Variants in KARS1 observed in about 807,000 individuals in gnomAD.
The protein encoded by KARS1 is lysyl-tRNA synthetase 1.
A neutral mutation model predicts 63.9 loss-of-function variants in KARS1; 50 were observed. The ratio of observed to expected loss-of-function variants is 0.78; its 90% CI spans 0.62 to 0.99. The LOEUF is 0.99. Ranked by LOEUF, KARS1 falls within the 50% of genes least tolerant of loss-of-function variation. KARS1 has a pLI of 0.00. For missense variants in KARS1, 816 were observed against 754.5 expected, an observed-to-expected ratio of 1.08 and a Z score of -0.95; for synonymous variants, 320 against 264.6, an observed-to-expected ratio of 1.21 and a Z score of -2.03.
intron 4 of KARS1, 83 bp from the exon 5 acceptor site, chr16:75,636,181 TGTTAATACCTAGTTA>T: frequency 1.2e-6 from 1 of 863,048 alleles, no homozygotes; most frequent in Non-Finnish European, 1.9e-6. Flanking sequence ...CTCACTCAAC[TGTTAATACCTAGTTA>T]ATGTGAGCCC....
chr16:75,634,041 C>T lies in KARS1; in HGVS notation c.915+132G>A, dbSNP rs1227110129. ...TGGAAGTGTTACTCACATCCACACA[C>T]CTGACCCATCAGAACACTTTCTTGG... is the stretch of plus-strand genomic sequence containing the variant. On this transcript the variant is annotated intron_variant, in intron 7 of 13. Coordinates refer to ENST00000302445, the MANE Select transcript of KARS1 (RefSeq NM_005548.3). 1.4e-5 allele frequency: 13 copies of T among 936,350 alleles called. No individual in the cohort carries two copies. The Admixed American group carries it at 2.2e-4, about 16-fold the overall frequency. The allele number at this position is 936,350 out of a possible 1,614,324, so 58.0% of individuals were successfully genotyped here.
Position 75,629,440 on chromosome 16 carries a change from C to T in KARS1, c.1526G>A (p.Arg509Gln), listed in dbSNP as rs769808930. Residue 509 changes from arginine to glutamine, a missense_variant, in exon 12 of 14, where the codon CGG becomes CAG. Physicochemically the swap from Arg to Gln is conservative, Grantham distance 43 (BLOSUM62 1). Coordinates refer to ENST00000302445, the MANE Select transcript of KARS1 (RefSeq NM_005548.3). The stretch of plus-strand genomic sequence containing the variant: ...CTTGGCCTGTTCTTCAAAAAGCTGC[C>T]GCTGCCGCATGGGATCATTCAGCTC... ...YTELNDPMRQ[R>Q]QLFEEQAKAK... The T allele has an allele frequency of 5.6e-6, 9 of 1,614,066 alleles. No homozygotes were observed. The highest frequency in any genetic ancestry group is 1.6e-4 in the Middle Eastern group (1 of 6,062).
In KARS1 at chr16:75,640,129, A is replaced by T; in HGVS notation, c.388+55T>A. The T allele has an allele frequency of 4.7e-6, 7 of 1,489,240 alleles. No individual in the cohort carries two copies. In the South Asian group the frequency reaches 6.8e-5, roughly 14 times the overall value. The allele number at this position is 1,489,240 out of a possible 1,614,324, so 92.3% of individuals were successfully genotyped here. A position where few individuals can be genotyped will look rare whatever the true frequency, so the allele number is the denominator to read the frequency against. ...CCCAGACCTTCCCTTGTGCTACTGA[A>T]GCCGCAGGCCTACCTGCTGTGGGAG... is the stretch of plus-strand genomic sequence containing the variant. On this transcript the variant is annotated intron_variant, in intron 3 of 13. Coordinates refer to ENST00000302445, the MANE Select transcript of KARS1 (RefSeq NM_005548.3).
chr16:75,646,965 C>G (rs2082293018), intron 1 of KARS1, among the ~76,000 whole-genome samples: 1 of 152,140 alleles, frequency 6.6e-6, no homozygotes, highest in Non-Finnish European at 1.5e-5. Context: ...TCTATGTTAA[C>G]CTACATACTC....
At chr16:75,637,655 T>C (rs1429694913) in intron 3 of KARS1, among the ~76,000 whole-genome samples, 2 of 151,792 alleles carry the variant, frequency 1.3e-5, no homozygotes, top group East Asian at 3.9e-4. Context: ...GGCGCATGCC[T>C]GTAATCCCAG....
Position 75,634,246 on chromosome 16 carries a change from T to C in KARS1, c.842A>G (p.Lys281Arg). 2 of 1,614,090 alleles carry C rather than the reference T, an allele frequency of 1.2e-6. No homozygotes were observed. Among genetic ancestry groups the C allele is most frequent in the Admixed American group, 1.7e-5 (1 of 60,012 alleles). Reference sequence around the variant, plus strand: ...CTCGTTGTGATAAGTGATGAAAGGCTTGGCCACGGCTCCCCCTGGGATGAT... The same window carrying C: ...CTCGTTGTGATAAGTGATGAAAGGCCTGGCCACGGCTCCCCCTGGGATGAT... The part of the protein sequence containing the change: ...MNIIPGGAVA[K>R]PFITYHNELD... Residue 281 changes from lysine (K) to arginine (R), a missense_variant, in exon 7 of 14, where the codon AAG (lysine) becomes AGG (arginine). Coordinates refer to ENST00000302445, the MANE Select transcript of KARS1 (RefSeq NM_005548.3).
At position 75,634,751 on chromosome 16, in the gene KARS1, G is replaced by A. The variant is rs536825243; in HGVS notation, c.796-459C>T. Among the ~76,000 whole-genome samples the A allele has an allele frequency of 9.9e-5, 15 of 152,046 alleles. 1 individual carries two copies. The South Asian group carries it at 2.9e-3, about 29-fold the overall frequency. On this transcript the variant is annotated intron_variant, in intron 6 of 13. Transcript: ENST00000302445. ...CCACCACGCCTGGCTAATTTTTTGT[G>A]TTTTTAGTAGAGACAGGGTTTCACT...
At chr16:75,636,587 G>A in intron 3 of KARS1, 40 bp from the exon 4 acceptor site, 1 of 1,275,150 alleles carries the variant, frequency 7.8e-7, no homozygotes, top group Middle Eastern at 1.8e-4. Flanking sequence ...GACAGAACCA[G>A]AAGTCATTTT....
At position 75,628,710 on chromosome 16, in the gene KARS1, G is replaced by A; in HGVS notation, c.1554C>T (p.Ala518=). ...TGGCCTCATCATCACCTGCAGCCTT[G>A]GCCTAGAAGAGGAAAGAGAACCAAA... ...QRQLFEEQAK[A]KAAGDDEAMF... The change falls in exon 13 of 14, where the codon GCC becomes GCT. Residue 518 remains alanine, a splice_region_variant and synonymous_variant. Coordinates refer to ENST00000302445, the MANE Select transcript of KARS1 (RefSeq NM_005548.3). 2 of 1,614,136 alleles carry A rather than the reference G, an allele frequency of 1.2e-6. No individual in the cohort carries two copies. Among genetic ancestry groups the A allele is most frequent in the African/African-American group, 2.7e-5 (2 of 75,038 alleles).
intron 11 of KARS1, 148 bp downstream of exon 11, chr16:75,630,275 C>T: frequency 6.1e-6 from 4 of 654,300 alleles, no homozygotes; most frequent in Non-Finnish European, 1.1e-5. Flanking sequence ...CTGGCAGAAT[C>T]CCCAGTTGAA....
At chr16:75,646,238 C>T (rs1028647628) in intron 1 of KARS1, among the ~76,000 whole-genome samples, 2 of 152,180 alleles carry the variant, frequency 1.3e-5, no homozygotes, top group Admixed American at 6.5e-5. Context: ...AAGCCAGGGA[C>T]ACAAAAGGAA....
chr16:75,629,396 T>C lies in KARS1; in HGVS notation c.1551+19A>G, dbSNP rs2082085041. On this transcript the variant is annotated intron_variant, in intron 12 of 13. Coordinates refer to ENST00000302445, the MANE Select transcript of KARS1 (RefSeq NM_005548.3). ...CCTGGTGAGTTGGCACAGCTTCTGC[T>C]CACAGTCCCCTTTCTCACCTTGGCC... 1 of 1,613,548 alleles carries C rather than the reference T, an allele frequency of 6.2e-7. No homozygotes were observed. Among genetic ancestry groups the C allele is most frequent in the Non-Finnish European group, 8.5e-7 (1 of 1,179,674 alleles).
At chr16:75,628,289 C>G (rs186710394) in intron 13 of KARS1, among the ~76,000 whole-genome samples, 1 of 152,358 alleles carries the variant, frequency 6.6e-6, no homozygotes, top group East Asian at 1.9e-4. Flanking sequence ...TTCTACACCT[C>G]ATAAGGCTGA....
At position 75,647,618 on chromosome 16, in the gene KARS1, C is replaced by T; in HGVS notation, c.22G>A (p.Glu8Lys). Residue 8 changes from glutamate to lysine, a missense_variant, in exon 1 of 14, where the codon GAG becomes AAG. Physicochemically the swap from Glu to Lys is moderately conservative, Grantham distance 56. Coordinates refer to ENST00000302445, the MANE Select transcript of KARS1 (RefSeq NM_005548.3). MAAVQAA[E>K]VKVDGSEPKL... ...GGCTCGCTGCCATCCACTTTCACCT[C>T]GGCCGCCTGCACGGCCGCCATCTTC... The T allele has an allele frequency of 6.2e-7, 1 of 1,613,436 alleles. No individual in the cohort carries two copies. The highest frequency in any genetic ancestry group is 8.5e-7 in the Non-Finnish European group (1 of 1,179,826).
chr16:75,634,468 T>C (rs1475286962), intron 6 of KARS1, among the ~76,000 whole-genome samples, 176 bp from the exon 7 acceptor site: 2 of 152,222 alleles, frequency 1.3e-5, no homozygotes, highest in African/African-American at 4.8e-5. Flanking sequence ...TACGACAGTG[T>C]CTCAATTTCT....
At position 75,644,451 on chromosome 16, in the gene KARS1, G is replaced by T. The variant is rs761792076; in HGVS notation, c.63-2728C>A. ...CATGGCAGAGCACCCTGGAACTAAT[G>T]ATTACCACCACCTAGCGGGAAACAC... On this transcript the variant is annotated intron_variant, in intron 1 of 13. Coordinates refer to ENST00000302445, the MANE Select transcript of KARS1 (RefSeq NM_005548.3). The T allele has an allele frequency of 7.5e-6, 12 of 1,599,334 alleles. No homozygotes were observed. The Admixed American group carries it at 1.0e-4, about 14-fold the overall frequency.
intron 13 of KARS1, 105 bp downstream of exon 13, chr16:75,628,464 A>G (rs530896888): frequency 7.5e-7 from 1 of 1,325,116 alleles, no homozygotes; most frequent in African/African-American, 1.4e-5. Context: ...TCCTCTTCCC[A>G]GCCCAAAGCC....
chr16:75,645,001 T>C lies in KARS1; in HGVS notation c.62+2577A>G, dbSNP rs3784928. Among the ~76,000 whole-genome samples the C allele has an allele frequency of 1.1e-3, 170 of 152,352 alleles. 2 individuals are homozygous for C. The East Asian group carries it at 0.021, about 19-fold the overall frequency. On this transcript the variant is annotated intron_variant, in intron 1 of 13. Coordinates refer to ENST00000302445, the MANE Select transcript of KARS1 (RefSeq NM_005548.3). ...AGGTCCTTAGACTGCGTTATGTTTATACATTATCAACACTGGAAGGCAACA... is the reference window on the plus strand; with the variant it reads ...AGGTCCTTAGACTGCGTTATGTTTACACATTATCAACACTGGAAGGCAACA...
Position 75,639,789 on chromosome 16 carries a change from TTTG to T in KARS1, c.388+392_388+394del, listed in dbSNP as rs201740011. On this transcript the variant is annotated intron_variant, in intron 3 of 13. Coordinates refer to ENST00000302445, the MANE Select transcript of KARS1 (RefSeq NM_005548.3). Reference sequence around the variant, plus strand: ...CAAGGAAAAGATGTGATTTTTTTTTTTTGTTTTTTAAATTTAGGAAAAGAAGAT... The same window carrying T: ...CAAGGAAAAGATGTGATTTTTTTTTTTTTTTTAAATTTAGGAAAAGAAGAT... 468 of 166,704 alleles carry T rather than the reference TTTG, an allele frequency of 2.8e-3. No individual in the cohort carries two copies. In the East Asian group the frequency reaches 0.034, roughly 12 times the overall value. 10.3% of individuals were successfully genotyped at this position (166,704 alleles called of 1,614,324 possible). A position where few individuals can be genotyped will look rare whatever the true frequency, so the allele number is the denominator to read the frequency against.
Sources: allele counts gnomAD v4.1 joint callset (sites outside exome capture counted in the v4.1 genomes callset), GRCh38; gene constraint gnomAD v4.1.1; transcripts MANE v1.5; gene names NCBI Gene and HGNC (gene_info 2026-07-23, HGNC 2026-07-21).